The following EPHA4 variants were observed in gnomAD, a reference collection of about 807,000 sequenced individuals.
EPHA4 encodes the protein EPH receptor A4, also known as ephrin type-A receptor 4.
A neutral mutation model predicts 108.3 loss-of-function variants in EPHA4; 19 were observed. The ratio of observed to expected loss-of-function variants is 0.18; its 90% confidence interval spans 0.12 to 0.26. EPHA4 has a LOEUF of 0.26. EPHA4 is among the 10% of genes least tolerant of loss of function. EPHA4 has a pLI of 1.00. For synonymous variants in EPHA4, 449 were observed against 455.5 expected (o/e 0.99, Z 0.18); for missense variants, 917 against 1,254.0 (o/e 0.73, Z 4.06).
chr2:221,451,249 A>T (rs1283597993), intron 8 of EPHA4, among the ~76,000 whole-genome samples: 4 of 152,222 alleles, frequency 2.6e-5, no homozygotes, highest in African/African-American at 9.6e-5. Context: ...TGTTTTGGAA[A>T]AAACACTGCC....
At chr2:221,555,663 T>A (rs531502744) in intron 3 of EPHA4, among the ~76,000 whole-genome samples, 11 of 152,268 alleles carry the variant, frequency 7.2e-5, no homozygotes, top group Non-Finnish European at 1.5e-5. Flanking sequence ...TGTAACAGGA[T>A]ACAGGGAGAA....
chr2:221,423,445 G>C (rs1469213350), intron 17 of EPHA4, among the ~76,000 whole-genome samples: 3 of 152,160 alleles, frequency 2.0e-5, no homozygotes, highest in Non-Finnish European at 4.4e-5. Flanking sequence ...ACTGTTGCTG[G>C]ATATTATTTT....
At chr2:221,458,232 C>T (rs139455294) in intron 5 of EPHA4, among the ~76,000 whole-genome samples, 20 of 152,254 alleles carry the variant, frequency 1.3e-4, no homozygotes, top group African/African-American at 4.8e-4. Context: ...GCTCACAGGC[C>T]TGTAGTACCA....
At chr2:221,495,079 C>T (rs946455584) in intron 4 of EPHA4, among the ~76,000 whole-genome samples, 11 of 149,508 alleles carry the variant, frequency 7.4e-5, no homozygotes, top group Non-Finnish European at 1.5e-4. Context: ...TACATTTCTA[C>T]TCTCTGGCAA....
intron 3 of EPHA4, 28 bp from the exon 4 acceptor site, chr2:221,501,200 A>G (rs1369462631): frequency 2.6e-6 from 4 of 1,546,978 alleles, no homozygotes; most frequent in Non-Finnish European, 3.5e-6. Flanking sequence ...AAAACAAACA[A>G]ATAGAAACCA....
At chr2:221,474,615 G>T (rs192414479) in intron 5 of EPHA4, among the ~76,000 whole-genome samples, 7 of 152,148 alleles carry the variant, frequency 4.6e-5, no homozygotes, top group African/African-American at 1.4e-4. Flanking sequence ...ACCAGCTACC[G>T]ATTCCCTACT....
chr2:221,467,018 G>A (rs994250909), intron 5 of EPHA4, among the ~76,000 whole-genome samples: 1 of 152,224 alleles, frequency 6.6e-6, no homozygotes, highest in East Asian at 1.9e-4. Flanking sequence ...GTACATTGTC[G>A]GCTGTCAGAA....
chr2:221,496,273 G>A (rs1296672051), intron 4 of EPHA4, among the ~76,000 whole-genome samples: 1 of 152,132 alleles, frequency 6.6e-6, no homozygotes, highest in African/African-American at 2.4e-5. Context: ...CTCTGGGTCT[G>A]CCGTCCGGTA....
chr2:221,434,055 A>C, intron 14 of EPHA4, 87 bp downstream of exon 14: 483 of 1,413,804 alleles, frequency 3.4e-4, no homozygotes, highest in Non-Finnish European at 4.2e-4. Flanking sequence ...GTATCATTTC[A>C]AACCCCGTGC....
chr2:221,560,116 C>T (rs1442985386), intron 3 of EPHA4, among the ~76,000 whole-genome samples: 1 of 150,298 alleles, frequency 6.7e-6, no homozygotes, highest in Non-Finnish European at 1.5e-5. Flanking sequence ...CCCGCCCGCC[C>T]TGCCCATTTT....
intron 3 of EPHA4, among the ~76,000 whole-genome samples, chr2:221,552,613 T>TG (rs1285965976): frequency 6.6e-6 from 1 of 152,222 alleles, no homozygotes; most frequent in Non-Finnish European, 1.5e-5. Context: ...ATTGCCAGGC[T>TG]GGGCACTTCA....
At chr2:221,569,899 C>A (rs946259678) in intron 1 of EPHA4, among the ~76,000 whole-genome samples, 1 of 152,112 alleles carries the variant, frequency 6.6e-6, no homozygotes, top group Non-Finnish European at 1.5e-5. Flanking sequence ...CTACTTTTCC[C>A]GGGGAGTCTG....
chr2:221,496,425 T>G (rs1692298315), intron 4 of EPHA4, among the ~76,000 whole-genome samples: 1 of 152,156 alleles, frequency 6.6e-6, no homozygotes, highest in Non-Finnish European at 1.5e-5. Context: ...AGGTCCATTA[T>G]ATTCACTAGG....
chr2:221,552,534 G>T (rs1052516794), intron 3 of EPHA4, among the ~76,000 whole-genome samples: 1 of 152,240 alleles, frequency 6.6e-6, no homozygotes, highest in African/African-American at 2.4e-5. Flanking sequence ...AGTGCGAGGA[G>T]GGTAAAGGAG....
chr2:221,568,597 G>A, intron 2 of EPHA4, 121 bp downstream of exon 2: 1 of 687,642 alleles, frequency 1.5e-6, no homozygotes, highest in Non-Finnish European at 2.4e-6. Context: ...TCACTTCATA[G>A]GCCACAGCGG....
At chr2:221,499,261 A>C (rs1306389048) in intron 4 of EPHA4, among the ~76,000 whole-genome samples, 1 of 148,972 alleles carries the variant, frequency 6.7e-6, no homozygotes, top group Non-Finnish European at 1.5e-5. Flanking sequence ...TAATAATATA[A>C]AATAGAAACT....
At chr2:221,494,120 G>C (rs1344316404) in intron 4 of EPHA4, among the ~76,000 whole-genome samples, 1 of 152,038 alleles carries the variant, frequency 6.6e-6, no homozygotes, top group African/African-American at 2.4e-5. Context: ...GTTAAATAAA[G>C]AGCACCCAAA....
rs141789136 is a variant in EPHA4 at position 221,434,262 on chromosome 2, C to G, written c.2376G>C (p.Ala792=). The G allele has an allele frequency of 1.4e-4, 227 of 1,613,926 alleles. No homozygotes were observed. The highest frequency in any genetic ancestry group is 1.9e-4 in the Non-Finnish European group (222 of 1,179,972). ...ATTTACGATAGGCAATTGCTTCTGG[C>G]GCAGTCCACCGGATAGGAATCTTGC... ...RGGKIPIRWT[A]PEAIAYRKFT... is the part of the protein sequence containing the mutation. Residue 792 remains alanine (A), a synonymous_variant, in exon 14 of 18, where the codon GCG becomes GCC. Transcript: ENST00000281821.
chr2:221,464,645 A>G (rs548718100), intron 5 of EPHA4, among the ~76,000 whole-genome samples: 122 of 152,270 alleles, frequency 8.0e-4, no homozygotes, highest in Non-Finnish European at 1.4e-3. Context: ...TCACATACAC[A>G]TGATTTTGTT....
Sources: gnomAD v4.1 joint callset for allele counts (sites outside exome capture counted in the v4.1 genomes callset) on GRCh38, gnomAD v4.1.1 for gene constraint, MANE v1.5 for transcripts, NCBI Gene and HGNC (gene_info 2026-07-23, HGNC 2026-07-21) for gene names.